Variants in UGT3A1 observed in about 807,000 individuals in gnomAD.
UGT3A1 encodes the protein UDP-glycosyltransferase 3A1.
UGT3A1 carries 40 observed loss-of-function variants against 37.6 expected under a neutral mutation model. The ratio of observed to expected loss-of-function variants is 1.06; its 90% CI spans 0.83 to 1.38. The LOEUF (loss-of-function observed/expected upper bound fraction) is 1.38, where lower values mean the gene tolerates loss of function less well. Ranked by LOEUF, UGT3A1 falls within the 40% of genes most tolerant of loss-of-function variation. The probability of loss-of-function intolerance (pLI) is 0.00; values close to 1 mark genes in which losing one functional copy is unlikely to be tolerated. For missense variants in UGT3A1, 642 were observed against 634.2 expected, an observed-to-expected ratio of 1.01 and a Z score of -0.13; for synonymous variants, 256 against 232.3, an observed-to-expected ratio of 1.10 and a Z score of -0.93.
chr5:35,984,441 G>A (rs1580957322), intron 2 of UGT3A1, among the ~76,000 whole-genome samples: 1 of 148,708 alleles, frequency 6.7e-6, no homozygotes, highest in East Asian at 2.0e-4. Flanking sequence ...TTTCCTTTTT[G>A]TGAAATGGGG....
At chr5:35,970,278 G>C (rs896613401) in intron 2 of UGT3A1, among the ~76,000 whole-genome samples, 1 of 152,012 alleles carries the variant, frequency 6.6e-6, no homozygotes, top group South Asian at 2.1e-4. Flanking sequence ...TGTAGTCCCA[G>C]CTACTCAGGA....
rs1322164475 is a variant in UGT3A1, at chr5:35,953,895, G to A, written c.*307C>T. 7.0e-6 allele frequency: 2 copies of A among 286,220 alleles called. No homozygotes were observed. The highest frequency in any genetic ancestry group is 1.3e-5 in the Non-Finnish European group (2 of 152,824). The allele number at this position is 286,220 out of a possible 1,614,324, so 17.7% of individuals were successfully genotyped here. On this transcript the variant is annotated 3_prime_UTR_variant, in exon 7 of 7. Transcript: ENST00000274278. ...AGGAGAAATGGGGACTGGAAACTGG[G>A]AAGTCATCTAAACAAGGAGGATGAA...
chr5:35,972,312 A>G (rs1219447953), intron 2 of UGT3A1, among the ~76,000 whole-genome samples: 1 of 152,144 alleles, frequency 6.6e-6, no homozygotes, highest in African/African-American at 2.4e-5. Context: ...GTCTTAACCA[A>G]TCAGTTGAGA....
At chr5:35,955,374 G>A (rs1739310635) in intron 6 of UGT3A1, 1 of 585,256 alleles carries the variant, frequency 1.7e-6, no homozygotes, top group Non-Finnish European at 3.0e-6. Flanking sequence ...CCACTAGAGG[G>A]ACTCCCAAAT....
At chr5:35,967,650 C>T (rs1739864944) in intron 3 of UGT3A1, among the ~76,000 whole-genome samples, 1 of 152,146 alleles carries the variant, frequency 6.6e-6, no homozygotes, top group South Asian at 2.1e-4. Context: ...ATCCTAGCTT[C>T]TTTGTTGGGG....
intron 2 of UGT3A1, among the ~76,000 whole-genome samples, chr5:35,986,774 C>G (rs919846090): frequency 6.6e-6 from 1 of 151,812 alleles, no homozygotes; most frequent in Non-Finnish European, 1.5e-5. Context: ...AGTAGGGTGA[C>G]TATAGTTTAC....
At chr5:35,980,384 G>A (rs1456488338) in intron 2 of UGT3A1, among the ~76,000 whole-genome samples, 4 of 152,160 alleles carry the variant, frequency 2.6e-5, no homozygotes, top group African/African-American at 4.8e-5. Flanking sequence ...ATCTGGCCAG[G>A]CCTTCTCCCT....
chr5:35,958,082 T>C (rs1294507500), intron 4 of UGT3A1, among the ~76,000 whole-genome samples: 2 of 152,132 alleles, frequency 1.3e-5, no homozygotes, highest in Non-Finnish European at 2.9e-5. Flanking sequence ...ATAGCTCTTA[T>C]ATATTGTTGA....
intron 2 of UGT3A1, among the ~76,000 whole-genome samples, chr5:35,976,970 G>T (rs1453894325): frequency 6.7e-6 from 1 of 148,488 alleles, no homozygotes; most frequent in Non-Finnish European, 1.5e-5. Context: ...AAGAGAGAAA[G>T]GGAGAAAGAG....
chr5:35,998,615 C>A (rs969465939), intron 1 of UGT3A1, among the ~76,000 whole-genome samples: 4 of 152,180 alleles, frequency 2.6e-5, no homozygotes, highest in Non-Finnish European at 4.4e-5. Context: ...TGACTTGTTA[C>A]CCCCAGGGCA....
At chr5:35,971,568 C>A (rs1242884948) in intron 2 of UGT3A1, among the ~76,000 whole-genome samples, 2 of 151,972 alleles carry the variant, frequency 1.3e-5, no homozygotes, top group Non-Finnish European at 2.9e-5. Context: ...TACCAAAATT[C>A]ACTGAAAACT....
chr5:35,973,139 C>G (rs1262746197), intron 2 of UGT3A1, among the ~76,000 whole-genome samples: 5 of 152,186 alleles, frequency 3.3e-5, no homozygotes, highest in Admixed American at 3.3e-4. Flanking sequence ...AGCAACTTTT[C>G]TACACCCATC....
chr5:35,962,024 C>G (rs1739606176), intron 4 of UGT3A1: 2 of 99,174 alleles, frequency 2.0e-5, no homozygotes, highest in Non-Finnish European at 4.3e-5. Flanking sequence ...CCCATTTCAA[C>G]ACTGGGATCC....
Position 35,953,998 on chromosome 5 carries a change from G to T in UGT3A1, c.*204C>A. The T allele has an allele frequency of 1.7e-6, 1 of 574,082 alleles. No homozygotes were observed. The allele number at this position is 574,082 out of a possible 1,614,324, so 35.6% of individuals were successfully genotyped here. On this transcript the variant is annotated 3_prime_UTR_variant, in exon 7 of 7. Transcript: ENST00000274278. Reference sequence around the variant, plus strand: ...CAGGTGAAAATTTGTATCTGAGCTGGGGTTTCAAGTCACAAGGGGCAAGTC... The same window carrying T: ...CAGGTGAAAATTTGTATCTGAGCTGTGGTTTCAAGTCACAAGGGGCAAGTC...
At chr5:35,964,886 G>C (rs559819122) in intron 4 of UGT3A1, among the ~76,000 whole-genome samples, 2 of 152,252 alleles carry the variant, frequency 1.3e-5, no homozygotes, top group South Asian at 4.1e-4. Flanking sequence ...AGAAAGTCTA[G>C]GTGGAACCAG....
At chr5:35,968,208 A>T in intron 2 of UGT3A1, 75 bp from the exon 3 acceptor site, 1 of 837,362 alleles carries the variant, frequency 1.2e-6, no homozygotes, top group Non-Finnish European at 1.8e-6. Flanking sequence ...ATGATATTAA[A>T]GTTTTATTCT....
intron 1 of UGT3A1, among the ~76,000 whole-genome samples, chr5:35,989,860 G>A (rs1740867268): frequency 6.6e-6 from 1 of 152,122 alleles, no homozygotes; most frequent in African/African-American, 2.4e-5. Context: ...TGAGGCGGGC[G>A]GATCACGAGG....
intron 2 of UGT3A1, among the ~76,000 whole-genome samples, chr5:35,979,699 A>G (rs939625607): frequency 4.6e-5 from 7 of 152,316 alleles, no homozygotes; most frequent in Non-Finnish European, 7.3e-5. Context: ...ATTTTTGGGT[A>G]TCTTTACAGC....
At chr5:35,974,171 C>T (rs891135788) in intron 2 of UGT3A1, among the ~76,000 whole-genome samples, 1 of 152,090 alleles carries the variant, frequency 6.6e-6, no homozygotes, top group African/African-American at 2.4e-5. Flanking sequence ...GAACCTACAG[C>T]TTTTTACTAG....
Sources: gnomAD v4.1 joint callset for allele counts (sites outside exome capture counted in the v4.1 genomes callset) on GRCh38, gnomAD v4.1.1 for gene constraint, MANE v1.5 for transcripts, NCBI Gene and HGNC (gene_info 2026-07-23, HGNC 2026-07-21) for gene names.